NHSL1: variants seen among roughly 807,000 people sequenced by gnomAD.
NHSL1 encodes NHS-like protein 1.
A neutral mutation model predicts 95.0 loss-of-function variants in NHSL1; 48 were observed. The observed-to-expected ratio is 0.51, with a 90% confidence interval of 0.40 to 0.64. NHSL1 has a LOEUF of 0.64. Among genes scored for constraint, NHSL1 ranks in the 30% least tolerant of loss-of-function variants. The pLI, the probability that NHSL1 is intolerant of heterozygous loss-of-function variation, is 0.00. For missense variants in NHSL1, 1,971 were observed against 2,077.7 expected, an observed-to-expected ratio of 0.95 and a Z score of 1.00; for synonymous variants, 783 against 833.9, an observed-to-expected ratio of 0.94 and a Z score of 1.05.
rs1199800620 is a variant in NHSL1, at chr6:138,499,328, AC to A, written c.-39del. 1 of 1,548,482 alleles carries A rather than the reference AC, an allele frequency of 6.5e-7. No individual in the cohort carries two copies. Among genetic ancestry groups the A allele is most frequent in the Non-Finnish European group, 8.7e-7 (1 of 1,145,154 alleles). On this transcript the variant is annotated 5_prime_UTR_variant, in exon 1 of 8. An upstream start codon of the reference 5' UTR is lost. Transcript: ENST00000343505. ...TACATAGAGCTTAGAAATGTAAATCACATTAAAAGCTCAGCCCAGTAGGCAG... is the reference window on the plus strand; with the variant it reads ...TACATAGAGCTTAGAAATGTAAATCAATTAAAAGCTCAGCCCAGTAGGCAG...
chr6:138,611,254 A>T (rs1004101075), intron 1 of NHSL1, among the ~76,000 whole-genome samples: 3 of 152,220 alleles, frequency 2.0e-5, no homozygotes, highest in Non-Finnish European at 4.4e-5. Flanking sequence ...GCAGCATTTT[A>T]ATAGTGTTTC....
intron 1 of NHSL1, among the ~76,000 whole-genome samples, chr6:138,585,037 G>A (rs1056515200): frequency 1.2e-4 from 18 of 152,150 alleles, no homozygotes; most frequent in African/African-American, 4.1e-4. Flanking sequence ...AGACACCCGG[G>A]CCTTTATTTC....
At chr6:138,672,135 C>G (rs1785380550) in intron 1 of NHSL1, among the ~76,000 whole-genome samples, 1 of 152,086 alleles carries the variant, frequency 6.6e-6, no homozygotes, top group Non-Finnish European at 1.5e-5. Flanking sequence ...TGGCTCATGC[C>G]CAGTGCTCGT....
intron 1 of NHSL1, among the ~76,000 whole-genome samples, chr6:138,675,096 C>G (rs543304367): frequency 2.0e-5 from 3 of 151,724 alleles, no homozygotes; most frequent in African/African-American, 7.2e-5. Flanking sequence ...GCACTACAAA[C>G]AGCCCCCTAT....
At chr6:138,673,459 C>T (rs946589945) in intron 1 of NHSL1, among the ~76,000 whole-genome samples, 1 of 142,158 alleles carries the variant, frequency 7.0e-6, no homozygotes, top group African/African-American at 2.7e-5. Context: ...TTTACAGCTA[C>T]AAAAAAAAAA....
intron 1 of NHSL1, among the ~76,000 whole-genome samples, chr6:138,561,703 C>T (rs1047530855): frequency 9.8e-5 from 15 of 152,290 alleles, no homozygotes; most frequent in Admixed American, 9.2e-4. Context: ...GGCACACGCC[C>T]AAGCATGCAC....
At chr6:138,562,450 C>T (rs1783446738) in intron 1 of NHSL1, among the ~76,000 whole-genome samples, 1 of 152,066 alleles carries the variant, frequency 6.6e-6, no homozygotes, top group African/African-American at 2.4e-5. Context: ...AGTTTGAGAC[C>T]AGCCTGGCCA....
At chr6:138,650,361 TG>T in intron 1 of NHSL1, 1 of 1,254,870 alleles carries the variant, frequency 8.0e-7, no homozygotes, top group Non-Finnish European at 1.2e-6. Flanking sequence ...GAGCCCAGCC[TG>T]CAGCCCACAG....
chr6:138,493,847 C>CAAAG (rs1780206918), intron 2 of NHSL1, among the ~76,000 whole-genome samples: 1 of 152,158 alleles, frequency 6.6e-6, no homozygotes, highest in East Asian at 1.9e-4. Flanking sequence ...ATGACAGCAA[C>CAAAG]AAAGCTCAAA....
Position 138,473,429 on chromosome 6 carries a change from G to C in NHSL1, c.216C>G (p.Cys72Trp). 1 of 1,493,522 alleles carries C rather than the reference G, an allele frequency of 6.7e-7. No homozygotes were observed. The highest frequency in any genetic ancestry group is 9.0e-7 in the Non-Finnish European group (1 of 1,117,274). The allele number at this position is 1,493,522 out of a possible 1,614,324, so 92.5% of individuals were successfully genotyped here. A position where few individuals can be genotyped will look rare whatever the true frequency, so the allele number is the denominator to read the frequency against. Reference sequence around the variant, plus strand: ...GGTAGCCATCATGCCGCAACTTATCGCATTCTGCAGAGGGGCACGCAGGGA... The same window carrying C: ...GGTAGCCATCATGCCGCAACTTATCCCATTCTGCAGAGGGGCACGCAGGGA... The part of the protein sequence containing the change: ...KLNLKSVLRE[C>W]DKLRHDGYRS... The change falls in exon 3 of 8, where the codon TGC becomes TGG. Residue 72 changes from cysteine to tryptophan, a missense_variant. Physicochemically the swap from Cys to Trp is radical, Grantham distance 215 (BLOSUM62 -2). Coordinates refer to ENST00000343505, the MANE Select transcript of NHSL1 (RefSeq NM_001144060.2).
chr6:138,526,341 C>G (rs1781905414), intron 1 of NHSL1, among the ~76,000 whole-genome samples: 1 of 151,940 alleles, frequency 6.6e-6, no homozygotes, highest in African/African-American at 2.4e-5. Flanking sequence ...ATTAGCCAAG[C>G]CTGGTGGTGC....
At chr6:138,692,951 G>A (rs1436480365), upstream of NHSL1, among the ~76,000 whole-genome samples, 2 of 150,208 alleles carry the variant, frequency 1.3e-5, no homozygotes, top group East Asian at 2.0e-4. The surrounding 1 kb of genome is among the most constrained non-coding windows in gnomAD (Gnocchi z 4.0). Flanking sequence ...GCGCGCGGGC[G>A]AGCGGGCACC....
At chr6:138,572,595 G>C (rs1783881171), upstream of NHSL1, 1 of 152,212 alleles carries the variant, frequency 6.6e-6, no homozygotes, top group South Asian at 2.1e-4. Context: ...GCTATTGCCT[G>C]GATTACAGAG....
At position 138,432,976 on chromosome 6, in the gene NHSL1, T is replaced by G. The variant is rs754238383; in HGVS notation, c.1369A>C (p.Arg457=). 7 of 1,551,288 alleles carry G rather than the reference T, an allele frequency of 4.5e-6. No individual in the cohort carries two copies. Among genetic ancestry groups the G allele is most frequent in the Non-Finnish European group, 6.1e-6 (7 of 1,146,676 alleles). ...RIKSRDHLIS[R]HAVKGDPQSP... ...TGAGGATCACCTTTCACAGCATGCC[T>G]GGAGATGAGGTGGTCTCTGGATTTT... Residue 457 remains arginine, a synonymous_variant, in exon 6 of 8, where the codon AGG becomes CGG. Coordinates refer to ENST00000343505, the MANE Select transcript of NHSL1 (RefSeq NM_001144060.2). The surrounding 1 kb of genome is among the most constrained non-coding windows in gnomAD (Gnocchi z 4.4).
chr6:138,628,015 C>T (rs1252021692), intron 1 of NHSL1, among the ~76,000 whole-genome samples: 4 of 151,808 alleles, frequency 2.6e-5, no homozygotes, highest in African/African-American at 4.8e-5. Flanking sequence ...CACACATATA[C>T]GTAAAACGTA....
chr6:138,650,502 G>T, intron 1 of NHSL1: 1 of 710,850 alleles, frequency 1.4e-6, no homozygotes, highest in Non-Finnish European at 2.5e-6. Context: ...CACCAGGTAG[G>T]CACTGATGAA....
chr6:138,449,220 G>A (rs776439240), intron 3 of NHSL1, among the ~76,000 whole-genome samples: 3 of 152,204 alleles, frequency 2.0e-5, no homozygotes, highest in Non-Finnish European at 2.9e-5. Context: ...TGCTGTTGGC[G>A]ATAGGGCCCT....
At chr6:138,571,913 T>A in exon 1 of NHSL1, 1 of 1,551,136 alleles carries the variant, frequency 6.4e-7, no homozygotes, top group Non-Finnish European at 8.7e-7. Flanking sequence ...CTTTTTCATC[T>A]TCTTTTCAAA....
At chr6:138,572,902 C>T (rs995835216), upstream of NHSL1, among the ~76,000 whole-genome samples, 23 of 141,934 alleles carry the variant, frequency 1.6e-4, no homozygotes, top group Admixed American at 1.5e-3. Context: ...TCCAACATTC[C>T]TAGATGGATT....
Sources: allele counts gnomAD v4.1 joint callset (sites outside exome capture counted in the v4.1 genomes callset), GRCh38; gene constraint gnomAD v4.1.1; non-coding constraint Gnocchi (gnomAD v3.1); transcripts MANE v1.5; gene names NCBI Gene and HGNC (gene_info 2026-07-23, HGNC 2026-07-21).